AUTS2: variants seen among roughly 807,000 people sequenced by gnomAD.
AUTS2 encodes activator of transcription and developmental regulator AUTS2, also known as autism susceptibility gene 2 protein.
In AUTS2, 17 loss-of-function variants were observed where a neutral mutation model predicts 112.4. The observed-to-expected ratio is 0.15, with a 90% CI of 0.10 to 0.23. The LOEUF (loss-of-function observed/expected upper bound fraction) is 0.23, where lower values mean the gene tolerates loss of function less well. Ranked by LOEUF, AUTS2 falls within the 10% of genes least tolerant of loss-of-function variation. The probability of loss-of-function intolerance (pLI) is 1.00; values close to 1 mark genes in which losing one functional copy is unlikely to be tolerated. For synonymous variants in AUTS2, 751 were observed against 702.7 expected (o/e 1.07, Z -1.09); for missense variants, 1,510 against 1,701.6 (o/e 0.89, Z 1.98).
intron 2 of AUTS2, among the ~76,000 whole-genome samples, chr7:70,096,241 G>A (rs1218408769): frequency 6.6e-6 from 1 of 152,130 alleles, no homozygotes; most frequent in Non-Finnish European, 1.5e-5. Context: ...CAAATAATAT[G>A]AATGTATTAG....
intron 2 of AUTS2, among the ~76,000 whole-genome samples, chr7:70,091,612 G>T (rs182529975): frequency 6.6e-6 from 1 of 152,258 alleles, no homozygotes; most frequent in East Asian, 1.9e-4. Flanking sequence ...AAGGAAGCCA[G>T]GTACTAAACC....
At chr7:69,885,788 T>C (rs1204258452) in intron 1 of AUTS2, among the ~76,000 whole-genome samples, 1 of 152,242 alleles carries the variant, frequency 6.6e-6, no homozygotes, top group Non-Finnish European at 1.5e-5. Flanking sequence ...TAAAAGATAC[T>C]GTAAACTTTT....
rs555126470 is a variant in AUTS2 at position 70,290,610 on chromosome 7, C to T, written c.661-145142C>T. 4 of 1,427,978 alleles carry T rather than the reference C, an allele frequency of 2.8e-6. No individual in the cohort carries two copies. The African/African-American group carries it at 6.1e-5, about 22-fold the overall frequency. 88.5% of individuals were successfully genotyped at this position (1,427,978 alleles called of 1,614,324 possible). A position where few individuals can be genotyped will look rare whatever the true frequency, so the allele number is the denominator to read the frequency against. On this transcript the variant is annotated intron_variant, in intron 4 of 18. Coordinates refer to ENST00000342771, the MANE Select transcript of AUTS2 (RefSeq NM_015570.4). ...GACCCCAATGAGAAATTAAACACTT[C>T]CCTCCTTTTCATTTGCAGTGTGTTT...
chr7:69,884,553 C>T (rs1437386164), intron 1 of AUTS2, among the ~76,000 whole-genome samples: 1 of 152,190 alleles, frequency 6.6e-6, no homozygotes, highest in Non-Finnish European at 1.5e-5. Context: ...GTTTAATAAA[C>T]TTTGCCATTA....
chr7:70,051,204 G>A (rs1006530292), intron 2 of AUTS2, among the ~76,000 whole-genome samples: 2 of 152,144 alleles, frequency 1.3e-5, no homozygotes, highest in African/African-American at 2.4e-5. Context: ...AAACAGGATA[G>A]GCAAAGGTGC....
At chr7:70,317,242 A>G (rs1245904181) in intron 4 of AUTS2, among the ~76,000 whole-genome samples, 1 of 151,938 alleles carries the variant, frequency 6.6e-6, no homozygotes, top group Non-Finnish European at 1.5e-5. Context: ...GAGCATTTGT[A>G]TATTTTGTGT....
At chr7:70,447,220 A>G (rs890766151) in intron 5 of AUTS2, among the ~76,000 whole-genome samples, 2 of 152,218 alleles carry the variant, frequency 1.3e-5, no homozygotes, top group Non-Finnish European at 2.9e-5. Flanking sequence ...ATGTTTGCCA[A>G]GGTGTTTTAC....
At chr7:70,705,377 T>C (rs1809681693) in intron 6 of AUTS2, among the ~76,000 whole-genome samples, 2 of 152,182 alleles carry the variant, frequency 1.3e-5, no homozygotes, top group African/African-American at 2.4e-5. Context: ...CATTTCGGAT[T>C]TTTACCAGTT....
At chr7:70,299,541 G>A (rs373490391) in intron 4 of AUTS2, among the ~76,000 whole-genome samples, 16 of 152,166 alleles carry the variant, frequency 1.1e-4, no homozygotes, top group African/African-American at 3.4e-4. Context: ...GAAAATGAGC[G>A]TGTGGTGTCT....
At chr7:69,704,495 G>T (rs1797968374) in intron 1 of AUTS2, among the ~76,000 whole-genome samples, 1 of 152,066 alleles carries the variant, frequency 6.6e-6, no homozygotes, top group Non-Finnish European at 1.5e-5. Flanking sequence ...AACCAGGATG[G>T]TCTTGATCTT....
At chr7:70,605,596 A>C (rs1803714035) in intron 5 of AUTS2, among the ~76,000 whole-genome samples, 1 of 127,790 alleles carries the variant, frequency 7.8e-6, no homozygotes, top group South Asian at 2.4e-4. Context: ...GTAAATATAA[A>C]GCTCCCACTG....
intron 5 of AUTS2, among the ~76,000 whole-genome samples, chr7:70,447,495 G>C (rs1470740893): frequency 2.0e-5 from 3 of 152,178 alleles, no homozygotes; most frequent in Non-Finnish European, 4.4e-5. Context: ...AATCCTAATA[G>C]GTAGGTGCTA....
At chr7:70,070,765 G>A (rs938525616) in intron 2 of AUTS2, among the ~76,000 whole-genome samples, 3 of 150,658 alleles carry the variant, frequency 2.0e-5, no homozygotes, top group Non-Finnish European at 3.0e-5. Context: ...CCAGCTACTC[G>A]GGAGGCTGAG....
chr7:70,492,145 G>A (rs1216927973), intron 5 of AUTS2, among the ~76,000 whole-genome samples: 1 of 152,172 alleles, frequency 6.6e-6, no homozygotes, highest in African/African-American at 2.4e-5. Flanking sequence ...CCCAACAGCT[G>A]CAGTATAGGC....
intron 5 of AUTS2, among the ~76,000 whole-genome samples, chr7:70,628,029 G>T (rs552964173): frequency 1.3e-5 from 2 of 152,174 alleles, no homozygotes; most frequent in Admixed American, 6.5e-5. Flanking sequence ...CATGGGCACA[G>T]GTATGGAGGT....
At chr7:70,339,949 A>G (rs528529007) in intron 4 of AUTS2, among the ~76,000 whole-genome samples, 1 of 152,276 alleles carries the variant, frequency 6.6e-6, no homozygotes, top group East Asian at 1.9e-4. Context: ...AGTGCCAGAG[A>G]TACTTTGAAA....
At chr7:70,677,339 G>A (rs545451831) in intron 5 of AUTS2, among the ~76,000 whole-genome samples, 8 of 152,100 alleles carry the variant, frequency 5.3e-5, no homozygotes, top group Admixed American at 1.3e-4. Flanking sequence ...ATTTCTGACC[G>A]TGGCTAGGCT....
At chr7:69,673,097 C>A (rs1340917096) in intron 1 of AUTS2, among the ~76,000 whole-genome samples, 1 of 152,122 alleles carries the variant, frequency 6.6e-6, no homozygotes, top group Non-Finnish European at 1.5e-5. Context: ...AGCTTATGCC[C>A]TTTTTCCTAC....
chr7:69,879,432 G>C (rs953101212), intron 1 of AUTS2, among the ~76,000 whole-genome samples: 1 of 151,792 alleles, frequency 6.6e-6, no homozygotes, highest in Non-Finnish European at 1.5e-5. Flanking sequence ...TTGCAGGCGC[G>C]AGCCACTGTG....
Sources: gnomAD v4.1 joint callset for allele counts (sites outside exome capture counted in the v4.1 genomes callset) on GRCh38, gnomAD v4.1.1 for gene constraint, MANE v1.5 for transcripts, NCBI Gene and HGNC (gene_info 2026-07-23, HGNC 2026-07-21) for gene names.